PRPSAP1: variants seen among roughly 807,000 people sequenced by gnomAD.
The protein encoded by PRPSAP1 is phosphoribosyl pyrophosphate synthetase associated protein 1, also known as phosphoribosyl pyrophosphate synthase-associated protein 1.
Under a neutral mutation model 39.4 loss-of-function variants are expected in PRPSAP1, and 31 were observed. That is an observed-to-expected ratio of 0.79 (90% CI 0.59 to 1.06). The LOEUF (loss-of-function observed/expected upper bound fraction) is 1.06, where lower values mean the gene tolerates loss of function less well. Ranked by LOEUF, PRPSAP1 falls within the 50% of genes least tolerant of loss-of-function variation. The probability of loss-of-function intolerance (pLI) is 0.00; values close to 1 mark genes in which losing one functional copy is unlikely to be tolerated. For missense variants in PRPSAP1, 430 were observed against 511.6 expected, an observed-to-expected ratio of 0.84 and a Z score of 1.54; for synonymous variants, 212 against 192.6, an observed-to-expected ratio of 1.10 and a Z score of -0.83.
chr17:76,329,022 A>G, intron 6 of PRPSAP1, 160 bp from the exon 7 acceptor site: 4 of 867,474 alleles, frequency 4.6e-6, no homozygotes, highest in Non-Finnish European at 6.7e-6. Flanking sequence ...CAGCATGTAA[A>G]TGACTCAAAG....
At chr17:76,324,299 A>G (rs1240130372) in intron 7 of PRPSAP1, among the ~76,000 whole-genome samples, 1 of 150,558 alleles carries the variant, frequency 6.6e-6, no homozygotes, top group East Asian at 2.0e-4. Context: ...CCTGGCTGAC[A>G]TTTTAAAAAA....
rs1160791848 is a variant in PRPSAP1, at chr17:76,330,016, A to G, written c.635+27T>C. On this transcript the variant is annotated intron_variant, in intron 6 of 9. Coordinates refer to ENST00000446526, the MANE Select transcript of PRPSAP1 (RefSeq NM_002766.3). Reference sequence around the variant, plus strand: ...CTGACTTCGGGAGCACTCAGGAGGGATCAGGACCCATGTCTAGCTTACTTA... The same window carrying G: ...CTGACTTCGGGAGCACTCAGGAGGGGTCAGGACCCATGTCTAGCTTACTTA... 12 of 1,606,374 alleles carry G rather than the reference A, an allele frequency of 7.5e-6. No homozygotes were observed. The Admixed American group carries it at 2.0e-4, about 27-fold the overall frequency.
rs1344714043 is a variant in PRPSAP1 at position 76,313,166 on chromosome 17, T to C, written c.853-150A>G. The stretch of plus-strand genomic sequence containing the variant: ...GTGTGCCTGGGTCAAAGAACGAGCA[T>C]CCAGAAATGGCAACAGAAGCACCTG... On this transcript the variant is annotated intron_variant, in intron 8 of 9. Coordinates refer to ENST00000446526, the MANE Select transcript of PRPSAP1 (RefSeq NM_002766.3). The C allele has an allele frequency of 3.8e-6, 4 of 1,043,842 alleles. No homozygotes were observed. In the African/African-American group the frequency reaches 4.9e-5, roughly 13 times the overall value. 64.7% of individuals were successfully genotyped at this position (1,043,842 alleles called of 1,614,324 possible).
At chr17:76,320,671 C>T (rs2071187087) in intron 7 of PRPSAP1, among the ~76,000 whole-genome samples, 1 of 151,008 alleles carries the variant, frequency 6.6e-6, no homozygotes, top group East Asian at 1.9e-4. Flanking sequence ...CTGACCTCAG[C>T]TGATGCACCC....
At chr17:76,334,499 G>A (rs2071358350) in intron 3 of PRPSAP1, among the ~76,000 whole-genome samples, 2 of 152,200 alleles carry the variant, frequency 1.3e-5, no homozygotes, top group African/African-American at 4.8e-5. Context: ...GCATTTGGGA[G>A]TGAGCGATTT....
intron 2 of PRPSAP1, among the ~76,000 whole-genome samples, chr17:76,345,091 C>T (rs1268861574): frequency 2.0e-5 from 3 of 151,810 alleles, no homozygotes; most frequent in African/African-American, 4.8e-5. Context: ...AAAAATTAGC[C>T]GGGCGTGGTG....
intron 7 of PRPSAP1, among the ~76,000 whole-genome samples, chr17:76,318,037 C>A (rs1309741371): frequency 6.6e-6 from 1 of 152,138 alleles, no homozygotes; most frequent in Non-Finnish European, 1.5e-5. Context: ...CTGGCCTTTA[C>A]CTACAAGATG....
chr17:76,352,644 C>CAAAAAAAAAAAAAAAAAAAAAAA (rs55986677), intron 1 of PRPSAP1, among the ~76,000 whole-genome samples: 3 of 53,580 alleles, frequency 5.6e-5, no homozygotes, highest in Non-Finnish European at 7.8e-5. Flanking sequence ...GACTCCGTCT[C>CAAAAAAAAAAAAAAAAAAAAAAA]AAAAAAAAAA....
chr17:76,350,382 T>G (rs906465867), intron 1 of PRPSAP1, among the ~76,000 whole-genome samples: 1 of 150,148 alleles, frequency 6.7e-6, no homozygotes, highest in African/African-American at 2.5e-5. Flanking sequence ...GAGCTTACAG[T>G]GAGCAGAGAT....
Position 76,321,387 on chromosome 17 carries a change from G to A in PRPSAP1, c.781+7330C>T, listed in dbSNP as rs369826346. On this transcript the variant is annotated intron_variant, in intron 7 of 9. Transcript: ENST00000446526. ...CTGACCAACATGGTGAAACCCCGTC[G>A]TTACTAAAAATACAAAAATTAGCTG... Among the ~76,000 whole-genome samples the A allele has an allele frequency of 3.3e-4, 50 of 151,900 alleles. 1 individual carries two copies. The South Asian group carries it at 8.8e-3, about 27-fold the overall frequency.
chr17:76,329,096 A>C, intron 6 of PRPSAP1: 1 of 404,504 alleles, frequency 2.5e-6, no homozygotes, highest in Non-Finnish European at 4.3e-6. Flanking sequence ...TTTTGAGACA[A>C]GGTCTCACTG....
Position 76,353,836 on chromosome 17 carries a change from G to C in PRPSAP1, c.-133C>G, listed in dbSNP as rs1309654221. On this transcript the variant is annotated 5_prime_UTR_variant, in exon 1 of 10. Coordinates refer to ENST00000446526, the MANE Select transcript of PRPSAP1 (RefSeq NM_002766.3). ...GCAAGCGGGGAGAGCTCCGAGGTCC[G>C]TGCCCTTGCGCACCCCACACCACTG... The C allele has an allele frequency of 8.7e-6, 12 of 1,378,548 alleles. No homozygotes were observed. Among genetic ancestry groups the C allele is most frequent in the Non-Finnish European group, 1.1e-5 (12 of 1,074,300 alleles). 85.4% of individuals were successfully genotyped at this position (1,378,548 alleles called of 1,614,324 possible). A position where few individuals can be genotyped will look rare whatever the true frequency, so the allele number is the denominator to read the frequency against.
intron 7 of PRPSAP1, among the ~76,000 whole-genome samples, chr17:76,321,075 G>A (rs2071192476): frequency 6.6e-6 from 1 of 152,082 alleles, no homozygotes; most frequent in South Asian, 2.1e-4. Context: ...GAGCCACCGT[G>A]CCCAGCCAGG....
At chr17:76,323,810 AAC>A (rs2071223575) in intron 7 of PRPSAP1, among the ~76,000 whole-genome samples, 2 of 152,244 alleles carry the variant, frequency 1.3e-5, no homozygotes, top group South Asian at 2.1e-4. Flanking sequence ...ATTATTTGAT[AAC>A]ACAGTGGCAG....
intron 3 of PRPSAP1, among the ~76,000 whole-genome samples, chr17:76,341,227 T>G (rs2071433751): frequency 1.9e-5 from 2 of 103,320 alleles, no homozygotes; most frequent in South Asian, 2.8e-4. Flanking sequence ...CAATTTGACT[T>G]TTTTTTGTTT....
chr17:76,325,526 C>G (rs2071246931), intron 7 of PRPSAP1, among the ~76,000 whole-genome samples: 1 of 151,278 alleles, frequency 6.6e-6, no homozygotes, highest in Non-Finnish European at 1.5e-5. Context: ...AACCACCACC[C>G]TGATCAGTCA....
chr17:76,345,451 A>G (rs2071489976), intron 2 of PRPSAP1, among the ~76,000 whole-genome samples: 1 of 151,836 alleles, frequency 6.6e-6, no homozygotes, highest in Non-Finnish European at 1.5e-5. Context: ...TGGGTGACAC[A>G]GCGAGATTCT....
chr17:76,331,101 C>G (rs1289549948), intron 4 of PRPSAP1, among the ~76,000 whole-genome samples: 1 of 152,112 alleles, frequency 6.6e-6, no homozygotes, highest in East Asian at 1.9e-4. Flanking sequence ...AGAAAAGAAA[C>G]TCATATAACA....
chr17:76,320,650 G>A (rs2071186919), intron 7 of PRPSAP1, among the ~76,000 whole-genome samples: 1 of 150,680 alleles, frequency 6.6e-6, no homozygotes, highest in African/African-American at 2.4e-5. Context: ...GGCCAGGCTG[G>A]TCTCGAACTC....
Sources: allele counts gnomAD v4.1 joint callset (sites outside exome capture counted in the v4.1 genomes callset), GRCh38; gene constraint gnomAD v4.1.1; transcripts MANE v1.5; gene names NCBI Gene and HGNC (gene_info 2026-07-23, HGNC 2026-07-21).